CDK6: variants seen among roughly 807,000 people sequenced by gnomAD.
The protein encoded by CDK6 is cyclin-dependent kinase 6.
In CDK6, 6 loss-of-function variants were observed where a neutral mutation model predicts 37.1. The observed-to-expected ratio is 0.16, with a 90% CI of 0.09 to 0.32. CDK6 has a LOEUF of 0.32. Among genes scored for constraint, CDK6 ranks in the 10% least tolerant of loss-of-function variants. CDK6 has a pLI of 1.00. For synonymous variants in CDK6, 160 were observed against 161.3 expected (o/e 0.99, Z 0.06); for missense variants, 224 against 418.9 (o/e 0.53, Z 4.06).
At chr7:92,754,770 T>C (rs1463930888) in intron 3 of CDK6, among the ~76,000 whole-genome samples, 2 of 152,310 alleles carry the variant, frequency 1.3e-5, no homozygotes, top group South Asian at 2.1e-4. Context: ...CCAAAGTCTC[T>C]TCTTGTTTGT....
chr7:92,804,579 T>C (rs1800672602), intron 2 of CDK6, among the ~76,000 whole-genome samples: 1 of 152,212 alleles, frequency 6.6e-6, no homozygotes, highest in South Asian at 2.1e-4. Flanking sequence ...TATATGAATG[T>C]GAGCTTGTTA....
chr7:92,702,504 A>T (rs1205279901), intron 4 of CDK6, among the ~76,000 whole-genome samples: 1 of 152,088 alleles, frequency 6.6e-6, no homozygotes, highest in Non-Finnish European at 1.5e-5. Flanking sequence ...ATGTGCTGGG[A>T]TTACAGGCAT....
intron 3 of CDK6, among the ~76,000 whole-genome samples, chr7:92,765,731 A>G (rs535278652): frequency 6.3e-4 from 96 of 152,290 alleles, no homozygotes; most frequent in African/African-American, 2.1e-3. Flanking sequence ...TCTTGACTTA[A>G]AGTCTCATCT....
intron 2 of CDK6, among the ~76,000 whole-genome samples, chr7:92,796,513 T>A (rs1800417193): frequency 6.6e-6 from 1 of 152,166 alleles, no homozygotes; most frequent in Non-Finnish European, 1.5e-5. Flanking sequence ...GTTTCTTCAG[T>A]CTTGGATATT....
chr7:92,702,973 C>T (rs758117054), intron 4 of CDK6, among the ~76,000 whole-genome samples: 2 of 152,188 alleles, frequency 1.3e-5, no homozygotes, highest in Non-Finnish European at 2.9e-5. Context: ...ACATCCCTCT[C>T]CCCCATATTG....
chr7:92,730,471 C>T (rs951352483), intron 3 of CDK6, among the ~76,000 whole-genome samples: 4 of 152,156 alleles, frequency 2.6e-5, no homozygotes, highest in East Asian at 1.9e-4. Context: ...GTGAGGGTTA[C>T]GATTATAGCA....
chr7:92,607,506 C>G lies in CDK6; in HGVS notation c.*7634G>C. 2 of 232,760 alleles carry G rather than the reference C, an allele frequency of 8.6e-6. No individual in the cohort carries two copies. Among genetic ancestry groups the G allele is most frequent in the Non-Finnish European group, 1.7e-5 (2 of 117,814 alleles). The allele number at this position is 232,760 out of a possible 1,614,324, so 14.4% of individuals were successfully genotyped here. ...AAATACTACATCTATATATTCAAAT[C>G]TACTAATCATGTTACAAATGCATGC... On this transcript the variant is annotated 3_prime_UTR_variant, in exon 8 of 8. Transcript: ENST00000424848.
chr7:92,726,277 C>T (rs1209773151), intron 3 of CDK6, among the ~76,000 whole-genome samples: 1 of 152,074 alleles, frequency 6.6e-6, no homozygotes, highest in African/African-American at 2.4e-5. Context: ...GCATTGTCCA[C>T]TTAGTAAATA....
intron 6 of CDK6, among the ~76,000 whole-genome samples, chr7:92,621,483 G>A (rs1053025990): frequency 3.9e-5 from 6 of 152,304 alleles, no homozygotes; most frequent in East Asian, 1.9e-4. Flanking sequence ...AGTGCTGGAG[G>A]TAGACACAAC....
intron 2 of CDK6, among the ~76,000 whole-genome samples, chr7:92,825,871 A>C (rs1801297696): frequency 1.3e-5 from 2 of 152,152 alleles, no homozygotes; most frequent in Non-Finnish European, 2.9e-5. Context: ...GCAGTATATA[A>C]ATTAAGTCCA....
intron 3 of CDK6, among the ~76,000 whole-genome samples, chr7:92,738,849 G>C (rs1027189703): frequency 6.6e-6 from 1 of 151,000 alleles, no homozygotes; most frequent in Non-Finnish European, 1.5e-5. Flanking sequence ...TTAAACGTGC[G>C]CCTCTTGCCT....
intron 4 of CDK6, among the ~76,000 whole-genome samples, chr7:92,687,548 A>G (rs551673029): frequency 2.6e-5 from 4 of 152,232 alleles, no homozygotes; most frequent in Non-Finnish European, 4.4e-5. Context: ...CTAGATTAAC[A>G]ACTACGGCAA....
In CDK6 at chr7:92,642,895, ATT is replaced by A. The variant is rs546349753; in HGVS notation, c.648-19811_648-19810del. 1.2e-3 allele frequency among the ~76,000 whole-genome samples: 169 copies of A among 142,436 alleles called. 1 individual carries two copies. The highest frequency in any genetic ancestry group is 3.4e-3 in the African/African-American group (133 of 38,720). The allele number at this position is 142,436 out of a possible 152,430, so 93.4% of individuals were successfully genotyped here. ...ACTTGAGACTCAGGCTGAAAAAAGA[ATT>A]TTTTTTTTTTTTTTTGAGACAGGGT... On this transcript the variant is annotated intron_variant, in intron 5 of 7. Transcript: ENST00000424848.
intron 4 of CDK6, among the ~76,000 whole-genome samples, chr7:92,690,885 G>A (rs991370592): frequency 6.6e-6 from 1 of 152,112 alleles, no homozygotes; most frequent in Non-Finnish European, 1.5e-5. Context: ...ACCATTATGG[G>A]AGTCAATTAC....
At chr7:92,800,602 T>C (rs535308413) in intron 2 of CDK6, among the ~76,000 whole-genome samples, 1 of 152,300 alleles carries the variant, frequency 6.6e-6, no homozygotes, top group East Asian at 1.9e-4. Context: ...ATACACAATC[T>C]GACCCACTGT....
chr7:92,758,103 T>G (rs1324292390), intron 3 of CDK6, among the ~76,000 whole-genome samples: 1 of 152,220 alleles, frequency 6.6e-6, no homozygotes, highest in East Asian at 1.9e-4. Flanking sequence ...GGGTGTTGTC[T>G]GTTTACTCTG....
chr7:92,763,257 T>C (rs771189767), intron 3 of CDK6, among the ~76,000 whole-genome samples: 5 of 152,362 alleles, frequency 3.3e-5, no homozygotes, highest in East Asian at 1.9e-4. Context: ...TTTAGCCACA[T>C]TGGTGTCAGC....
At chr7:92,680,949 T>C (rs1280326023) in intron 4 of CDK6, among the ~76,000 whole-genome samples, 1 of 152,260 alleles carries the variant, frequency 6.6e-6, no homozygotes, top group Non-Finnish European at 1.5e-5. Flanking sequence ...TCTTGCATTA[T>C]AGCTTTTCCA....
intron 2 of CDK6, among the ~76,000 whole-genome samples, chr7:92,811,038 GA>G (rs1213209239): frequency 6.6e-6 from 1 of 151,704 alleles, no homozygotes; most frequent in Non-Finnish European, 1.5e-5. Flanking sequence ...GTGACAGAAT[GA>G]GAACCCCCCC....
Sources: gnomAD v4.1 joint callset for allele counts (sites outside exome capture counted in the v4.1 genomes callset) on GRCh38, gnomAD v4.1.1 for gene constraint, MANE v1.5 for transcripts, NCBI Gene and HGNC (gene_info 2026-07-23, HGNC 2026-07-21) for gene names.